Variants in SCAPER observed in about 807,000 individuals in gnomAD.
The protein encoded by SCAPER is S-phase cyclin A associated protein in the ER.
A neutral mutation model predicts 182.2 loss-of-function variants in SCAPER; 98 were observed. That is an observed-to-expected ratio of 0.54 (90% confidence interval 0.46 to 0.64). SCAPER has a LOEUF of 0.64. SCAPER is among the 30% of genes least tolerant of loss of function. The probability of loss-of-function intolerance (pLI) is 0.00; values close to 1 mark genes in which losing one functional copy is unlikely to be tolerated. For missense variants in SCAPER, 1,432 were observed against 1,690.0 expected (o/e 0.85, Z 2.68); for synonymous variants, 605 against 564.6 (o/e 1.07, Z -1.01).
intron 22 of SCAPER, among the ~76,000 whole-genome samples, chr15:76,584,284 G>T (rs1385205814): frequency 6.7e-6 from 1 of 150,152 alleles, no homozygotes; most frequent in Admixed American, 6.6e-5. Flanking sequence ...GGGTAGTGGG[G>T]AAGTGTGTGT....
At chr15:76,386,168 C>G (rs2043275171) in intron 27 of SCAPER, among the ~76,000 whole-genome samples, 2 of 152,168 alleles carry the variant, frequency 1.3e-5, no homozygotes. Context: ...TTTATAAGGA[C>G]CCTTGTAATT....
intron 28 of SCAPER, 152 bp downstream of exon 28, chr15:76,381,226 A>G (rs2042923229): frequency 2.4e-6 from 1 of 414,906 alleles, no homozygotes; most frequent in Admixed American, 4.0e-5. Context: ...TTCCCAGAAA[A>G]TAGTAGTTTA....
chr15:76,798,551 T>C (rs1355395121), intron 7 of SCAPER, among the ~76,000 whole-genome samples: 1 of 151,840 alleles, frequency 6.6e-6, no homozygotes, highest in East Asian at 1.9e-4. Flanking sequence ...ATTAAATACA[T>C]ATCCAAGAGA....
chr15:76,848,169 T>A (rs1186958600), intron 4 of SCAPER, among the ~76,000 whole-genome samples: 2 of 150,244 alleles, frequency 1.3e-5, no homozygotes, highest in African/African-American at 4.9e-5. Flanking sequence ...CCTGGCTAAT[T>A]TTTCTATTTT....
chr15:76,623,425 T>C (rs2052282215), intron 21 of SCAPER, among the ~76,000 whole-genome samples: 3 of 152,246 alleles, frequency 2.0e-5, no homozygotes, highest in South Asian at 2.1e-4. Context: ...CTTTTGTATA[T>C]GATGAAATGT....
At chr15:76,575,181 T>G (rs954079981) in intron 22 of SCAPER, among the ~76,000 whole-genome samples, 4 of 152,142 alleles carry the variant, frequency 2.6e-5, no homozygotes, top group Admixed American at 1.3e-4. Flanking sequence ...ATTAATTTCT[T>G]TAGCTGGATT....
intron 1 of SCAPER, among the ~76,000 whole-genome samples, chr15:76,891,501 T>C (rs888528596): frequency 6.6e-6 from 1 of 152,006 alleles, no homozygotes; most frequent in Non-Finnish European, 1.5e-5. Flanking sequence ...TATGCAAAAA[T>C]TGCACAAGCA....
intron 1 of SCAPER, among the ~76,000 whole-genome samples, chr15:76,901,577 TTCA>T (rs1435682622): frequency 1.5e-4 from 23 of 152,376 alleles, no homozygotes; most frequent in East Asian, 1.3e-3. Flanking sequence ...TACATAGCAG[TTCA>T]TCATACTATT....
chr15:76,829,417 T>C (rs1787898134), intron 5 of SCAPER, among the ~76,000 whole-genome samples: 1 of 152,134 alleles, frequency 6.6e-6, no homozygotes, highest in Admixed American at 6.5e-5. Flanking sequence ...AAAATATAAA[T>C]GTAAACCTAA....
intron 29 of SCAPER, among the ~76,000 whole-genome samples, chr15:76,362,776 A>G (rs2041536561): frequency 6.6e-6 from 1 of 152,196 alleles, no homozygotes; most frequent in Non-Finnish European, 1.5e-5. Flanking sequence ...AGGATGTCCT[A>G]TAGTAAAATT....
At chr15:76,837,007 T>A (rs941530546) in intron 5 of SCAPER, among the ~76,000 whole-genome samples, 6 of 151,984 alleles carry the variant, frequency 3.9e-5, no homozygotes, top group African/African-American at 1.5e-4. Flanking sequence ...CCAAAAGCAA[T>A]TGCAACAAAA....
At chr15:76,462,351 C>T (rs1033196920) in intron 25 of SCAPER, among the ~76,000 whole-genome samples, 52 of 152,092 alleles carry the variant, frequency 3.4e-4, no homozygotes, top group African/African-American at 2.7e-4. Flanking sequence ...AGGGTCAGTC[C>T]GATAGGAGCT....
intron 31 of SCAPER, chr15:76,349,463 G>GACAATTGCAGCTAGACAAAT (rs1305488444): frequency 2.0e-5 from 3 of 152,120 alleles, no homozygotes; most frequent in African/African-American, 7.2e-5. Flanking sequence ...ATTGCAGCTA[G>GACAATTGCAGCTAGACAAAT]ACAGGCAGTA....
chr15:76,402,170 A>C (rs1230567627), intron 27 of SCAPER, among the ~76,000 whole-genome samples: 3 of 152,116 alleles, frequency 2.0e-5, no homozygotes, highest in Non-Finnish European at 4.4e-5. Context: ...AACAAAAAAC[A>C]GGTTAGGGCT....
intron 29 of SCAPER, among the ~76,000 whole-genome samples, chr15:76,356,120 C>T (rs1016604424): frequency 2.6e-5 from 4 of 152,178 alleles, no homozygotes; most frequent in African/African-American, 9.6e-5. Flanking sequence ...GTCTTTCCAA[C>T]CACATTTTAG....
intron 21 of SCAPER, among the ~76,000 whole-genome samples, chr15:76,656,586 C>A (rs896626486): frequency 6.6e-6 from 1 of 152,098 alleles, no homozygotes; most frequent in Non-Finnish European, 1.5e-5. Flanking sequence ...CCCAAAACAA[C>A]ATAATACACA....
chr15:76,360,771 C>T (rs977652889), intron 29 of SCAPER, among the ~76,000 whole-genome samples: 1 of 152,126 alleles, frequency 6.6e-6, no homozygotes, highest in African/African-American at 2.4e-5. Context: ...GGGTTTGTCT[C>T]AAATTATCAG....
At chr15:76,478,519 A>G (rs2050841728) in intron 24 of SCAPER, among the ~76,000 whole-genome samples, 1 of 152,078 alleles carries the variant, frequency 6.6e-6, no homozygotes, top group South Asian at 2.1e-4. Context: ...ATTCATTTGT[A>G]TCACCTTCTA....
intron 17 of SCAPER, among the ~76,000 whole-genome samples, chr15:76,708,115 A>G (rs2059358957): frequency 6.6e-6 from 1 of 152,186 alleles, no homozygotes; most frequent in Non-Finnish European, 1.5e-5. Context: ...TTATAAAAAA[A>G]TGGCATAGTA....
Sources: gnomAD v4.1 joint callset for allele counts (sites outside exome capture counted in the v4.1 genomes callset) on GRCh38, gnomAD v4.1.1 for gene constraint, MANE v1.5 for transcripts, NCBI Gene and HGNC (gene_info 2026-07-23, HGNC 2026-07-21) for gene names.